Variants in PEPD observed in about 807,000 individuals in gnomAD.
The protein encoded by PEPD is xaa-Pro dipeptidase.
PEPD carries 53 observed loss-of-function variants against 60.7 expected under a neutral mutation model. The observed-to-expected ratio is 0.87, with a 90% CI of 0.70 to 1.10. The LOEUF (loss-of-function observed/expected upper bound fraction) is 1.10. PEPD is among the 50% of genes least tolerant of loss of function. The pLI, the probability that PEPD is intolerant of heterozygous loss-of-function variation, is 0.00. For synonymous variants in PEPD, 267 were observed against 284.1 expected (o/e 0.94, Z 0.60); for missense variants, 711 against 711.9 (o/e 1.00, Z 0.01).
At chr19:33,495,938 G>GCCACTGCA (rs1970594389) in intron 4 of PEPD, among the ~76,000 whole-genome samples, 1 of 152,022 alleles carries the variant, frequency 6.6e-6, no homozygotes, top group Non-Finnish European at 1.5e-5. Flanking sequence ...TCGTGACTGC[G>GCCACTGCA]CCACTGCACC....
At chr19:33,397,548 G>A (rs1460993928) in intron 12 of PEPD, among the ~76,000 whole-genome samples, 3 of 151,992 alleles carry the variant, frequency 2.0e-5, no homozygotes, top group Non-Finnish European at 4.4e-5. Context: ...GATCCAGATG[G>A]AGTCCGACTC....
intron 3 of PEPD, 152 bp from the exon 4 acceptor site, chr19:33,501,153 G>A (rs1371899458): frequency 2.8e-5 from 20 of 708,122 alleles, no homozygotes; most frequent in South Asian, 7.4e-5. Context: ...CGAACAGGTC[G>A]GCCCAACACA....
At chr19:33,428,553 C>T (rs963241850) in intron 9 of PEPD, among the ~76,000 whole-genome samples, 4 of 152,186 alleles carry the variant, frequency 2.6e-5, no homozygotes, top group East Asian at 3.9e-4. Context: ...TCCTGCTCAC[C>T]GCCAGTTACC....
chr19:33,421,699 T>C (rs565310399), intron 9 of PEPD, among the ~76,000 whole-genome samples: 8 of 152,124 alleles, frequency 5.3e-5, no homozygotes, highest in African/African-American at 1.7e-4. Context: ...CTCGCTACGT[T>C]GCCCAGGCTG....
Position 33,391,424 on chromosome 19 carries a change from C to A in PEPD, c.1023G>T (p.Leu341=). 6.4e-7 allele frequency: 1 copy of A among 1,569,186 alleles called. No homozygotes were observed. Among genetic ancestry groups the A allele is most frequent in the East Asian group, 2.3e-5 (1 of 42,560 alleles). Residue 341 remains leucine, a synonymous_variant, in exon 13 of 15, where the codon CTG becomes CTT. Transcript: ENST00000244137. The stretch of plus-strand genomic sequence containing the variant: ...TGCCGCTCAGGATGCCCATGTGGGC[C>A]AGCTCCTCCAGGTGGATGCGGTCAG... ...RLADRIHLEE[L]AHMGILSGSV... is the part of the protein sequence containing the mutation.
chr19:33,518,578 C>T (rs1345776363), intron 1 of PEPD, among the ~76,000 whole-genome samples: 1 of 152,176 alleles, frequency 6.6e-6, no homozygotes, highest in Non-Finnish European at 1.5e-5. Context: ...TCATCCTACC[C>T]CTCGGAATTC....
At chr19:33,415,584 C>CT (rs1968873729) in intron 9 of PEPD, among the ~76,000 whole-genome samples, 1 of 152,176 alleles carries the variant, frequency 6.6e-6, no homozygotes, top group African/African-American at 2.4e-5. Context: ...GCTCTCTCGC[C>CT]TGCAGCAAGC....
At chr19:33,484,548 C>T (rs1340646782) in intron 6 of PEPD, among the ~76,000 whole-genome samples, 2 of 152,114 alleles carry the variant, frequency 1.3e-5, no homozygotes, top group African/African-American at 2.4e-5. Context: ...TAGATAGACC[C>T]CACTGTATAT....
At position 33,462,978 on chromosome 19, in the gene PEPD, G is replaced by A. The variant is rs750513822; in HGVS notation, c.671+17C>T. ...TTTTTACCTTTTAATTTTACCCGGA[G>A]AAACATGGTGGCTTACCTTTCCAAC... On this transcript the variant is annotated intron_variant, in intron 9 of 14. Coordinates refer to ENST00000244137, the MANE Select transcript of PEPD (RefSeq NM_000285.4). 2 of 1,549,942 alleles carry A rather than the reference G, an allele frequency of 1.3e-6. No homozygotes were observed. The highest frequency in any genetic ancestry group is 1.4e-5 in the African/African-American group (1 of 73,848).
chr19:33,517,358 G>A (rs769156081), intron 1 of PEPD, among the ~76,000 whole-genome samples: 3 of 151,842 alleles, frequency 2.0e-5, no homozygotes, highest in Admixed American at 6.6e-5. Flanking sequence ...TCAGGAGTTC[G>A]ATACCACCTG....
rs1388124000 is a variant in PEPD, at chr19:33,462,984, T to C, written c.671+11A>G. On this transcript the variant is annotated intron_variant, in intron 9 of 14. Transcript: ENST00000244137. Reference sequence around the variant, plus strand: ...CCTTTTAATTTTACCCGGAGAAACATGGTGGCTTACCTTTCCAACTCATAT... The same window carrying C: ...CCTTTTAATTTTACCCGGAGAAACACGGTGGCTTACCTTTCCAACTCATAT... 2 of 1,565,502 alleles carry C rather than the reference T, an allele frequency of 1.3e-6. No homozygotes were observed. The highest frequency in any genetic ancestry group is 1.4e-5 in the African/African-American group (1 of 74,024).
intron 9 of PEPD, among the ~76,000 whole-genome samples, chr19:33,430,531 G>A (rs536342103): frequency 4.3e-4 from 65 of 152,172 alleles, no homozygotes; most frequent in Admixed American, 8.5e-4. Context: ...CAGAGAGACC[G>A]GAAGCCTGTT....
intron 9 of PEPD, among the ~76,000 whole-genome samples, chr19:33,451,983 G>C (rs1969708823): frequency 6.6e-6 from 1 of 152,054 alleles, no homozygotes; most frequent in Non-Finnish European, 1.5e-5. Flanking sequence ...AGGGGGCAGA[G>C]GACTGGAATT....
chr19:33,391,942 C>T (rs1341235214), intron 12 of PEPD, among the ~76,000 whole-genome samples: 7 of 152,226 alleles, frequency 4.6e-5, no homozygotes, highest in African/African-American at 1.4e-4. Flanking sequence ...CTCAGAGCTC[C>T]GATGGGGTTT....
At chr19:33,475,390 A>G (rs1045267057) in intron 7 of PEPD, among the ~76,000 whole-genome samples, 1 of 151,038 alleles carries the variant, frequency 6.6e-6, no homozygotes, top group South Asian at 2.1e-4. Flanking sequence ...TGCCCCAGGG[A>G]GTGTGATGAT....
chr19:33,441,533 G>A (rs1442425723), intron 9 of PEPD, among the ~76,000 whole-genome samples: 2 of 152,256 alleles, frequency 1.3e-5, no homozygotes, highest in Non-Finnish European at 1.5e-5. Flanking sequence ...AGGGCTGAGT[G>A]AGGAGCCCAC....
chr19:33,413,956 G>A (rs1198134414), intron 9 of PEPD, among the ~76,000 whole-genome samples: 3 of 152,218 alleles, frequency 2.0e-5, no homozygotes, highest in Non-Finnish European at 2.9e-5. Context: ...CAGGACAGAT[G>A]GGACTCCTGG....
Position 33,413,663 on chromosome 19 carries a change from T to G in PEPD, c.672-20A>C. On this transcript the variant is annotated intron_variant, in intron 9 of 14. Transcript: ENST00000244137. Reference sequence around the variant, plus strand: ...AAGAGGCTGCAGGGGGAGAGACGCGTCAGGGTTGGGGCACTAGAGCAGGCA... The same window carrying G: ...AAGAGGCTGCAGGGGGAGAGACGCGGCAGGGTTGGGGCACTAGAGCAGGCA... The G allele has an allele frequency of 6.5e-7, 1 of 1,537,378 alleles. No homozygotes were observed. The highest frequency in any genetic ancestry group is 8.9e-7 in the Non-Finnish European group (1 of 1,127,660).
chr19:33,463,111 A>G, intron 8 of PEPD, 70 bp from the exon 9 acceptor site: 1 of 920,492 alleles, frequency 1.1e-6, no homozygotes, highest in South Asian at 1.3e-5. Context: ...TAAATAACAT[A>G]CAGCACTTCT....
Sources: allele counts gnomAD v4.1 joint callset (sites outside exome capture counted in the v4.1 genomes callset), GRCh38; gene constraint gnomAD v4.1.1; transcripts MANE v1.5; gene names NCBI Gene and HGNC (gene_info 2026-07-23, HGNC 2026-07-21).